SULT1C4: variants seen among roughly 807,000 people sequenced by gnomAD.
SULT1C4 encodes sulfotransferase 1C4.
Under a neutral mutation model 34.8 loss-of-function variants are expected in SULT1C4, and 32 were observed. The observed-to-expected ratio is 0.92, with a 90% CI of 0.69 to 1.23. SULT1C4 has a LOEUF of 1.23. Ranked by LOEUF, SULT1C4 falls within the 50% of genes most tolerant of loss-of-function variation. SULT1C4 has a pLI of 0.00. For missense variants in SULT1C4, 375 were observed against 365.9 expected (o/e 1.02, Z -0.20); for synonymous variants, 111 against 120.5 (o/e 0.92, Z 0.51).
rs972556671 is a variant in SULT1C4 at position 108,378,354 on chromosome 2, T to C, written c.17T>C (p.Met6Thr). The change falls in exon 1 of 7, where the codon ATG becomes ACG. Residue 6 changes from methionine (M) to threonine (T), a missense_variant. Physicochemically the swap from Met to Thr is moderately conservative, Grantham distance 81. Coordinates refer to ENST00000272452, the MANE Select transcript of SULT1C4 (RefSeq NM_006588.4). MALHD[M>T]EDFTFDGTKR... ...CTTACACTAATGGCCTTACACGACA[T>C]GGAGGATTTTACATTTGATGGAACA... is the stretch of plus-strand genomic sequence containing the variant. The C allele has an allele frequency of 1.9e-6, 3 of 1,613,784 alleles. No homozygotes were observed. In the African/African-American group the frequency reaches 4.0e-5, roughly 22 times the overall value.
intron 1 of SULT1C4, 88 bp from the exon 2 acceptor site, chr2:108,381,674 A>C (rs528735340): frequency 7.8e-7 from 1 of 1,282,996 alleles, no homozygotes; most frequent in African/African-American, 1.5e-5. Context: ...AAAACAAAAG[A>C]CATAGATGTT....
At position 108,383,474 on chromosome 2, in the gene SULT1C4, C is replaced by T; in HGVS notation, c.579C>T (p.His193=). Residue 193 remains histidine (H), a synonymous_variant, in exon 5 of 7, where the codon CAC becomes CAT. Coordinates refer to ENST00000272452, the MANE Select transcript of SULT1C4 (RefSeq NM_006588.4). ...VKGWWEAKDK[H]RILYLFYEDM... Reference sequence around the variant, plus strand: ...GATGGTGGGAAGCCAAAGACAAACACCGTATTCTCTATCTCTTCTATGAGG... The same window carrying T: ...GATGGTGGGAAGCCAAAGACAAACATCGTATTCTCTATCTCTTCTATGAGG... 6.2e-7 allele frequency: 1 copy of T among 1,614,180 alleles called. No individual in the cohort carries two copies. The highest frequency in any genetic ancestry group is 8.5e-7 in the Non-Finnish European group (1 of 1,180,016).
rs41327154 is a variant in SULT1C4, at chr2:108,378,512, T to C, written c.169+6T>C. On this transcript the variant is annotated splice_donor_region_variant and intron_variant, in intron 1 of 6. Transcript: ENST00000272452. ...TTCTACCTATCCTAAAGCAGGTAGG[T>C]GGAAGGGCTTGCAGGGGAAGGGGAA... is the stretch of plus-strand genomic sequence containing the variant. The C allele has an allele frequency of 2.1e-4, 333 of 1,612,938 alleles. No individual in the cohort carries two copies. In the East Asian group the frequency reaches 7.1e-3, roughly 34 times the overall value.
chr2:108,381,898 A>G lies in SULT1C4; in HGVS notation c.295+11A>G. On this transcript the variant is annotated intron_variant, in intron 2 of 6. Coordinates refer to ENST00000272452, the MANE Select transcript of SULT1C4 (RefSeq NM_006588.4). The stretch of plus-strand genomic sequence containing the variant: ...CATCCTTAGGATCTGGTGAGTATAA[A>G]TAGCCACACTTCACTACAGTCCTAA... The G allele has an allele frequency of 6.7e-7, 1 of 1,481,540 alleles. No homozygotes were observed. The highest frequency in any genetic ancestry group is 8.9e-7 in the Non-Finnish European group (1 of 1,119,814). The allele number at this position is 1,481,540 out of a possible 1,614,324, so 91.8% of individuals were successfully genotyped here. A position where few individuals can be genotyped will look rare whatever the true frequency, so the allele number is the denominator to read the frequency against.
At position 108,381,663 on chromosome 2, in the gene SULT1C4, C is replaced by G. The variant is rs116789261; in HGVS notation, c.170-99C>G. 9,139 of 1,265,646 alleles carry G rather than the reference C, an allele frequency of 7.2e-3. 49 individuals carry two copies. Among genetic ancestry groups the G allele is most frequent in the Non-Finnish European group, 7.4e-3 (7,300 of 985,588 alleles). 78.4% of individuals were successfully genotyped at this position (1,265,646 alleles called of 1,614,324 possible). The stretch of plus-strand genomic sequence containing the variant: ...TCTCAAAAAACAAAACAAAACAAAA[C>G]AAAACAAAAGACATAGATGTTCTAA... On this transcript the variant is annotated intron_variant, in intron 1 of 6. Coordinates refer to ENST00000272452, the MANE Select transcript of SULT1C4 (RefSeq NM_006588.4).
intron 4 of SULT1C4, 40 bp from the exon 5 acceptor site, chr2:108,383,376 C>T (rs759005587): frequency 4.0e-5 from 64 of 1,604,282 alleles, no homozygotes; most frequent in Non-Finnish European, 5.4e-5. Flanking sequence ...ATAATAGGAC[C>T]TCTGTGACTC....
At chr2:108,382,745 AAC>A (rs1678444297) in intron 3 of SULT1C4, 2 of 419,314 alleles carry the variant, frequency 4.8e-6, no homozygotes, top group Admixed American at 4.0e-5. Context: ...CTCTACCAAA[AAC>A]ACAAAATTCA....
At chr2:108,381,916 A>T in intron 2 of SULT1C4, 29 bp downstream of exon 2, 1 of 1,444,836 alleles carries the variant, frequency 6.9e-7, no homozygotes, top group South Asian at 1.7e-5. Context: ...ACTTCACTAC[A>T]GTCCTAAAAT....
At chr2:108,386,809 T>C (rs1359324903) in intron 6 of SULT1C4, among the ~76,000 whole-genome samples, 10 of 152,264 alleles carry the variant, frequency 6.6e-5, no homozygotes, top group Non-Finnish European at 1.5e-4. Flanking sequence ...GTGGAAATTA[T>C]ATTCTAGTGA....
chr2:108,380,922 G>C (rs1249444567), intron 1 of SULT1C4, among the ~76,000 whole-genome samples: 1 of 152,200 alleles, frequency 6.6e-6, no homozygotes, highest in African/African-American at 2.4e-5. Flanking sequence ...GTTTAGGGAA[G>C]GCCTTTTACA....
chr2:108,387,194 A>G (rs1158138072), intron 6 of SULT1C4, 126 bp from the exon 7 acceptor site: 15 of 659,752 alleles, frequency 2.3e-5, no homozygotes, highest in Non-Finnish European at 3.6e-5. Flanking sequence ...ATAGCAAGAG[A>G]AACGTTTTGT....
rs1678603798 is a variant in SULT1C4 at position 108,387,720 on chromosome 2, T to TTA, written c.*289_*290dup. ...TACATTTTCTACAATCATGTGCTTATTAACATATTGGAAATGCTTCAGTCC... is the reference window on the plus strand; with the variant it reads ...TACATTTTCTACAATCATGTGCTTATTATAACATATTGGAAATGCTTCAGTCC... On this transcript the variant is annotated 3_prime_UTR_variant, in exon 7 of 7. Coordinates refer to ENST00000272452, the MANE Select transcript of SULT1C4 (RefSeq NM_006588.4). 2 of 287,584 alleles carry TTA rather than the reference T, an allele frequency of 7.0e-6. No individual in the cohort carries two copies. The highest frequency in any genetic ancestry group is 1.3e-5 in the Non-Finnish European group (2 of 156,054). 17.8% of individuals were successfully genotyped at this position (287,584 alleles called of 1,614,324 possible).
Position 108,388,325 on chromosome 2 carries a change from T to C in SULT1C4, c.*893T>C, listed in dbSNP as rs1455585068. Among the ~76,000 whole-genome samples, 1 of 152,108 alleles carries C rather than the reference T, an allele frequency of 6.6e-6. No individual in the cohort carries two copies. Among genetic ancestry groups the C allele is most frequent in the Non-Finnish European group, 1.5e-5 (1 of 68,038 alleles). ...CTCAGCTAATGCTACAATCCTGGAG[T>C]CACCTCTTGACTCATCTTTCCCATT... is the stretch of plus-strand genomic sequence containing the variant. On this transcript the variant is annotated 3_prime_UTR_variant, in exon 7 of 7. Transcript: ENST00000272452.
At chr2:108,381,209 G>GA (rs1440751657) in intron 1 of SULT1C4, among the ~76,000 whole-genome samples, 1 of 151,910 alleles carries the variant, frequency 6.6e-6, no homozygotes, top group Admixed American at 6.6e-5. Flanking sequence ...AGTTGTGACA[G>GA]AAAAAAATAA....
Position 108,386,237 on chromosome 2 carries a change from A to G in SULT1C4, c.661A>G (p.Lys221Glu), listed in dbSNP as rs377017374. 50 of 1,558,766 alleles carry G rather than the reference A, an allele frequency of 3.2e-5. No homozygotes were observed. Among genetic ancestry groups the G allele is most frequent in the Non-Finnish European group, 2.4e-5 (28 of 1,151,228 alleles). Reference protein sequence around the residue: ...IQKLAEFIGKKLDDKVLDKIV... With the variant: ...IQKLAEFIGKELDDKVLDKIV... ...GAAGCTGGCAGAATTTATTGGGAAG[A>G]AATTAGATGACAAAGTTCTAGATAA... Residue 221 changes from lysine (K) to glutamate (E), a missense_variant, in exon 6 of 7, where the codon AAA becomes GAA. Physicochemically the swap from Lys to Glu is moderately conservative, Grantham distance 56 (BLOSUM62 1). Coordinates refer to ENST00000272452, the MANE Select transcript of SULT1C4 (RefSeq NM_006588.4).
chr2:108,387,242 T>C (rs962424101), intron 6 of SULT1C4, 78 bp from the exon 7 acceptor site: 2 of 1,097,034 alleles, frequency 1.8e-6, no homozygotes, highest in East Asian at 4.9e-5. Flanking sequence ...ATAGAAATCA[T>C]CATACAGAAA....
At chr2:108,381,369 G>A (rs147421346) in intron 1 of SULT1C4, among the ~76,000 whole-genome samples, 4 of 152,152 alleles carry the variant, frequency 2.6e-5, no homozygotes, top group Middle Eastern at 3.4e-3. Flanking sequence ...AGGCATGGTG[G>A]CTCACACCTA....
intron 1 of SULT1C4, among the ~76,000 whole-genome samples, 156 bp from the exon 2 acceptor site, chr2:108,381,606 G>A (rs1678397193): frequency 3.3e-5 from 5 of 152,034 alleles, no homozygotes. Context: ...TTGCACCATT[G>A]AACTCCAGCC....
intron 1 of SULT1C4, among the ~76,000 whole-genome samples, chr2:108,379,617 G>T (rs1678334482): frequency 6.6e-6 from 1 of 152,064 alleles, no homozygotes; most frequent in Non-Finnish European, 1.5e-5. Flanking sequence ...TGAGGTTTAA[G>T]CAATTCAAAA....
Sources: gnomAD v4.1 joint callset for allele counts (sites outside exome capture counted in the v4.1 genomes callset) on GRCh38, gnomAD v4.1.1 for gene constraint, MANE v1.5 for transcripts, NCBI Gene and HGNC (gene_info 2026-07-23, HGNC 2026-07-21) for gene names.